CFAP54: variants seen among roughly 807,000 people sequenced by gnomAD.
CFAP54 encodes cilia and flagella associated protein 54, also known as cilia- and flagella-associated protein 54.
In CFAP54, 290 loss-of-function variants were observed where a neutral mutation model predicts 370.4. That is an observed-to-expected ratio of 0.78 (90% CI 0.71 to 0.86). The LOEUF (loss-of-function observed/expected upper bound fraction) is 0.86. CFAP54 is among the 40% of genes least tolerant of loss of function. The pLI is 0.00. For missense variants in CFAP54, 3,399 were observed against 3,528.7 expected (o/e 0.96, Z 0.93); for synonymous variants, 1,206 against 1,236.5 (o/e 0.98, Z 0.52).
intron 14 of CFAP54, among the ~76,000 whole-genome samples, chr12:96,545,988 T>C (rs772032160): frequency 2.6e-5 from 4 of 152,224 alleles, no homozygotes; most frequent in Non-Finnish European, 5.9e-5. Flanking sequence ...GATAAAGTGA[T>C]AAACATAACT....
intron 39 of CFAP54, among the ~76,000 whole-genome samples, chr12:96,666,498 G>C (rs1957081889): frequency 1.3e-5 from 2 of 152,188 alleles, no homozygotes; most frequent in Admixed American, 1.3e-4. Context: ...TGGCTGGAGA[G>C]GCCACACAAT....
At chr12:96,733,867 G>T (rs865947076) in intron 50 of CFAP54, among the ~76,000 whole-genome samples, 1 of 152,092 alleles carries the variant, frequency 6.6e-6, no homozygotes, top group Non-Finnish European at 1.5e-5. Context: ...TCAGAATTTG[G>T]GTTTCAAGAT....
chr12:96,818,683 C>T (rs1041687080), intron 65 of CFAP54, among the ~76,000 whole-genome samples: 3 of 152,224 alleles, frequency 2.0e-5, no homozygotes, highest in African/African-American at 7.2e-5. Context: ...CTCAAGCTTA[C>T]TGCATGGAGA....
At chr12:96,762,521 T>G (rs1263362114) in intron 58 of CFAP54, among the ~76,000 whole-genome samples, 2 of 152,228 alleles carry the variant, frequency 1.3e-5, no homozygotes, top group Non-Finnish European at 2.9e-5. Context: ...TCCAAATTTT[T>G]CTATGGTGGG....
At chr12:96,654,480 G>A (rs1202320555) in intron 36 of CFAP54, among the ~76,000 whole-genome samples, 1 of 140,198 alleles carries the variant, frequency 7.1e-6, no homozygotes, top group Non-Finnish European at 1.5e-5. Flanking sequence ...CAGCCTGGGC[G>A]ACAGAGCGAG....
intron 15 of CFAP54, among the ~76,000 whole-genome samples, chr12:96,548,729 G>A (rs1255862403): frequency 2.6e-5 from 4 of 152,124 alleles, no homozygotes; most frequent in Non-Finnish European, 5.9e-5. Flanking sequence ...TGGCATAATA[G>A]CTGTCTGCCA....
chr12:96,500,047 A>C lies in CFAP54; in HGVS notation c.318-787A>C, dbSNP rs115384258. On this transcript the variant is annotated intron_variant, in intron 1 of 67. Transcript: ENST00000524981. ...TCATAATTGCCAAAACTTGTAAGCA[A>C]CCAAGATGTCATTCAGCATGTGCGT... Among the ~76,000 whole-genome samples the C allele has an allele frequency of 4.4e-3, 670 of 152,356 alleles. 6 individuals carry two copies. Among genetic ancestry groups the C allele is most frequent in the African/African-American group, 0.015 (624 of 41,578 alleles).
At position 96,613,648 on chromosome 12, in the gene CFAP54, A is replaced by C. The variant is rs149927145; in HGVS notation, c.3640-7942A>C. 9.4e-3 allele frequency among the ~76,000 whole-genome samples: 1,427 copies of C among 152,310 alleles called. 48 individuals carry two copies. The East Asian group carries it at 0.096, about 10-fold the overall frequency. ...AAGACTAATAAAGAAGAAAAGAGAC[A>C]AGAAGCAAATAGACACAATAAAAAA... On this transcript the variant is annotated intron_variant, in intron 26 of 67. Transcript: ENST00000524981.
chr12:96,499,589 C>T (rs1160223791), intron 1 of CFAP54, among the ~76,000 whole-genome samples: 1 of 152,120 alleles, frequency 6.6e-6, no homozygotes, highest in Non-Finnish European at 1.5e-5. Context: ...CTTACCATAA[C>T]ATTCACCCCT....
At chr12:96,685,904 G>A (rs902139389) in intron 42 of CFAP54, among the ~76,000 whole-genome samples, 6 of 152,312 alleles carry the variant, frequency 3.9e-5, no homozygotes, top group African/African-American at 1.4e-4. Flanking sequence ...GAGGAAGCAG[G>A]AAAACAGTGT....
chr12:96,681,985 G>A (rs1412202332), intron 40 of CFAP54, among the ~76,000 whole-genome samples: 5 of 152,248 alleles, frequency 3.3e-5, no homozygotes, highest in South Asian at 2.1e-4. Context: ...TGGATACTAA[G>A]TTTAAGGAAA....
At chr12:96,582,253 T>A (rs1022794340) in intron 22 of CFAP54, among the ~76,000 whole-genome samples, 1 of 152,138 alleles carries the variant, frequency 6.6e-6, no homozygotes, top group Non-Finnish European at 1.5e-5. Flanking sequence ...TGAATTAATG[T>A]TTTTTGTCGA....
chr12:96,530,607 T>G (rs1006967623), intron 9 of CFAP54, among the ~76,000 whole-genome samples: 2 of 152,246 alleles, frequency 1.3e-5, no homozygotes. Flanking sequence ...TTCCAGTTTT[T>G]GGCTACTAGA....
At chr12:96,696,012 G>C (rs866540169) in intron 45 of CFAP54, among the ~76,000 whole-genome samples, 1 of 152,068 alleles carries the variant, frequency 6.6e-6, no homozygotes, top group Non-Finnish European at 1.5e-5. Context: ...CCAGGAGTTC[G>C]AAAGAGGAAA....
intron 62 of CFAP54, among the ~76,000 whole-genome samples, chr12:96,791,756 G>A (rs1222900395): frequency 6.6e-6 from 1 of 152,086 alleles, no homozygotes. Flanking sequence ...TGAAATGTTG[G>A]CATGGGCGTT....
chr12:96,608,156 G>A (rs998156205), intron 26 of CFAP54, among the ~76,000 whole-genome samples: 1 of 152,084 alleles, frequency 6.6e-6, no homozygotes, highest in South Asian at 2.1e-4. Context: ...TAAATGCTAA[G>A]TAGGGATTCT....
intron 45 of CFAP54, among the ~76,000 whole-genome samples, chr12:96,694,039 A>T (rs1353728292): frequency 6.6e-6 from 1 of 152,192 alleles, no homozygotes; most frequent in Non-Finnish European, 1.5e-5. Flanking sequence ...TGCACATGGA[A>T]ATAAGGCTCA....
intron 26 of CFAP54, among the ~76,000 whole-genome samples, chr12:96,617,730 G>A (rs925953762): frequency 7.9e-5 from 12 of 152,094 alleles, no homozygotes; most frequent in Admixed American, 4.6e-4. Flanking sequence ...GGTGGCTCAC[G>A]CCTGTAATCC....
chr12:96,799,468 TCATGTGAC>T (rs1444446125), intron 63 of CFAP54, among the ~76,000 whole-genome samples: 2 of 152,328 alleles, frequency 1.3e-5, no homozygotes, highest in African/African-American at 4.8e-5. Context: ...ACTCCTTGAC[TCATGTGAC>T]CCATGTCAAA....
Sources: gnomAD v4.1 joint callset for allele counts (sites outside exome capture counted in the v4.1 genomes callset) on GRCh38, gnomAD v4.1.1 for gene constraint, MANE v1.5 for transcripts, NCBI Gene and HGNC (gene_info 2026-07-23, HGNC 2026-07-21) for gene names.